Variants in TJP1 observed in about 807,000 individuals in gnomAD.
The protein encoded by TJP1 is tight junction protein ZO-1.
Under a neutral mutation model 194.2 loss-of-function variants are expected in TJP1, and 43 were observed. The observed-to-expected ratio is 0.22, with a 90% confidence interval of 0.17 to 0.29. TJP1 has a LOEUF of 0.29. TJP1 is among the 10% of genes least tolerant of loss of function. The pLI is 1.00. For missense variants in TJP1, 1,971 were observed against 2,185.7 expected (o/e 0.90, Z 1.96); for synonymous variants, 801 against 779.0 (o/e 1.03, Z -0.47).
intron 2 of TJP1, among the ~76,000 whole-genome samples, chr15:29,942,371 C>T (rs144831159): frequency 0.01 from 1,535 of 152,326 alleles, 24 homozygotes; most frequent in African/African-American, 0.035. Flanking sequence ...GTACCACTCA[C>T]AAGAATGGAG....
chr15:29,817,045 T>C (rs948701325), intron 1 of TJP1, among the ~76,000 whole-genome samples: 4 of 152,186 alleles, frequency 2.6e-5, no homozygotes, highest in African/African-American at 9.7e-5. Flanking sequence ...AGAAAAACTT[T>C]TGCCATCTAC....
At chr15:29,773,775 T>G (rs751369271) in intron 2 of TJP1, among the ~76,000 whole-genome samples, 1 of 152,202 alleles carries the variant, frequency 6.6e-6, no homozygotes, top group Non-Finnish European at 1.5e-5. Flanking sequence ...TATCAATTGC[T>G]TTGAAAATCA....
intron 2 of TJP1, among the ~76,000 whole-genome samples, chr15:29,844,381 T>G (rs1419293114): frequency 6.6e-6 from 1 of 152,136 alleles, no homozygotes; most frequent in Non-Finnish European, 1.5e-5. Context: ...CAGTGGCTGT[T>G]CTAACAGAAA....
chr15:29,865,411 T>C (rs1224391827), intron 2 of TJP1, among the ~76,000 whole-genome samples: 3 of 152,174 alleles, frequency 2.0e-5, no homozygotes, highest in Admixed American at 6.5e-5. Flanking sequence ...CTCAAAATAA[T>C]ACTCTTCCCA....
intron 18 of TJP1, among the ~76,000 whole-genome samples, chr15:29,724,256 C>T (rs2043108959): frequency 6.6e-6 from 1 of 152,184 alleles, no homozygotes; most frequent in Non-Finnish European, 1.5e-5. Context: ...GAGCATCTGC[C>T]AGGCTGGGCT....
intron 1 of TJP1, among the ~76,000 whole-genome samples, chr15:29,808,762 A>G (rs2049284563): frequency 2.6e-5 from 4 of 152,172 alleles, no homozygotes; most frequent in Non-Finnish European, 4.4e-5. Flanking sequence ...CAGCTAACCA[A>G]TGAAAAAGGA....
chr15:29,922,646 A>G (rs1328371291), intron 2 of TJP1, among the ~76,000 whole-genome samples: 1 of 152,318 alleles, frequency 6.6e-6, no homozygotes, highest in African/African-American at 2.4e-5. Context: ...AGAAGAATAA[A>G]TATTTTGAAG....
At chr15:29,905,493 C>T (rs968950472) in intron 2 of TJP1, among the ~76,000 whole-genome samples, 3 of 152,178 alleles carry the variant, frequency 2.0e-5, no homozygotes, top group Non-Finnish European at 2.9e-5. Flanking sequence ...ACCCATCCAG[C>T]CATCACACTC....
At chr15:29,753,927 G>A (rs184255553) in intron 8 of TJP1, among the ~76,000 whole-genome samples, 2 of 151,722 alleles carry the variant, frequency 1.3e-5, no homozygotes, top group East Asian at 3.9e-4. Flanking sequence ...TGTAATTCTT[G>A]TTTAGAATAA....
In TJP1 at chr15:29,968,637, T is replaced by C. The variant is rs2056416475; in HGVS notation, c.173+30A>G. ...CGCCCCGCTCCGCGCCTAGCCCGGC[T>C]GGGGCTCCGCGCCCGCGCGGCCGCC... On this transcript the variant is annotated intron_variant, in intron 1 of 28. Transcript: ENST00000356107. 5 of 1,018,028 alleles carry C rather than the reference T, an allele frequency of 4.9e-6. No individual in the cohort carries two copies. In the African/African-American group the frequency reaches 5.2e-5, roughly 11 times the overall value. 63.1% of individuals were successfully genotyped at this position (1,018,028 alleles called of 1,614,324 possible).
At chr15:29,807,157 G>A (rs2049164935) in intron 1 of TJP1, among the ~76,000 whole-genome samples, 1 of 152,156 alleles carries the variant, frequency 6.6e-6, no homozygotes, top group Non-Finnish European at 1.5e-5. Context: ...AACAAATGAT[G>A]AGATGGATAT....
intron 2 of TJP1, among the ~76,000 whole-genome samples, chr15:29,775,581 A>G (rs1299232351): frequency 1.2e-4 from 19 of 152,310 alleles, no homozygotes; most frequent in Admixed American, 1.2e-3. Flanking sequence ...GAATTCAGGC[A>G]TCCACTGGGG....
At chr15:29,713,578 AG>A (rs1469922964) in intron 23 of TJP1, among the ~76,000 whole-genome samples, 18 of 152,378 alleles carry the variant, frequency 1.2e-4, no homozygotes, top group African/African-American at 4.1e-4. Context: ...AAATGCCTGA[AG>A]GCAGTCTTAT....
chr15:29,832,708 C>T (rs1222960558), intron 2 of TJP1, among the ~76,000 whole-genome samples: 7 of 152,176 alleles, frequency 4.6e-5, no homozygotes, highest in Admixed American at 3.9e-4. Context: ...TACTATCAAA[C>T]CAAGTAGTTA....
intron 2 of TJP1, among the ~76,000 whole-genome samples, chr15:29,936,395 C>A (rs1022613412): frequency 1.3e-5 from 2 of 152,220 alleles, no homozygotes; most frequent in African/African-American, 4.8e-5. Flanking sequence ...GCCTGCCTTC[C>A]CCGGTCCAGC....
chr15:29,777,407 T>C (rs1048369097), intron 2 of TJP1, among the ~76,000 whole-genome samples: 5 of 152,124 alleles, frequency 3.3e-5, no homozygotes, highest in African/African-American at 9.7e-5. Flanking sequence ...CTAAAAAGGT[T>C]TCAGGGACCT....
chr15:29,881,820 T>G (rs2052941631), intron 2 of TJP1, among the ~76,000 whole-genome samples: 1 of 152,062 alleles, frequency 6.6e-6, no homozygotes, highest in Non-Finnish European at 1.5e-5. Flanking sequence ...AGTGGTCTAT[T>G]CCCTAACACT....
At chr15:29,718,159 A>C in intron 21 of TJP1, 41 bp from the exon 22 acceptor site, 3 of 1,582,628 alleles carry the variant, frequency 1.9e-6, no homozygotes, top group Non-Finnish European at 2.6e-6. Context: ...AATATGCCTA[A>C]GGAACAGATA....
intron 2 of TJP1, among the ~76,000 whole-genome samples, chr15:29,906,737 A>C (rs917290078): frequency 6.6e-6 from 1 of 151,420 alleles, no homozygotes; most frequent in African/African-American, 2.4e-5. Context: ...GTATCACCAC[A>C]CCCAACTAAT....
Sources: allele counts gnomAD v4.1 joint callset (sites outside exome capture counted in the v4.1 genomes callset), GRCh38; gene constraint gnomAD v4.1.1; transcripts MANE v1.5; gene names NCBI Gene and HGNC (gene_info 2026-07-23, HGNC 2026-07-21).